The following ESRRG variants were observed in gnomAD, a reference collection of about 807,000 sequenced individuals.
ESRRG encodes the protein estrogen related receptor gamma.
Under a neutral mutation model 44.0 loss-of-function variants are expected in ESRRG, and 13 were observed. The observed-to-expected ratio is 0.30, with a 90% CI of 0.19 to 0.47. ESRRG has a LOEUF of 0.47. ESRRG is among the 20% of genes least tolerant of loss of function. The pLI, the probability that ESRRG is intolerant of heterozygous loss-of-function variation, is 1.00. For synonymous variants in ESRRG, 215 were observed against 214.6 expected (o/e 1.00, Z -0.02); for missense variants, 395 against 580.6 (o/e 0.68, Z 3.29).
intron 2 of ESRRG, among the ~76,000 whole-genome samples, chr1:216,858,553 A>T (rs555569007): frequency 6.6e-6 from 1 of 152,316 alleles, no homozygotes; most frequent in African/African-American, 2.4e-5. Flanking sequence ...AATGCTGGGC[A>T]TGGGCAGACC....
At chr1:216,693,177 G>A (rs2820885) in intron 1 of ESRRG, among the ~76,000 whole-genome samples, 123,025 of 152,204 alleles carry the variant, frequency 0.81, 49,753 homozygotes, top group Admixed American at 0.82. Flanking sequence ...GTCTTTCCTG[G>A]CACTCCTTCC....
intron 3 of ESRRG, among the ~76,000 whole-genome samples, chr1:216,572,052 G>A (rs1340140551): frequency 6.6e-6 from 1 of 152,038 alleles, no homozygotes; most frequent in African/African-American, 2.4e-5. Context: ...TTCAATTCAA[G>A]TAGAAAATAT....
At chr1:216,985,739 A>G (rs1273252360) in intron 1 of ESRRG, 7 of 152,172 alleles carry the variant, frequency 4.6e-5, no homozygotes, top group Admixed American at 1.3e-4. Flanking sequence ...TTAGAGGGTA[A>G]ATGTATTCAA....
chr1:216,905,688 T>G (rs2059607105), intron 2 of ESRRG, among the ~76,000 whole-genome samples: 2 of 152,194 alleles, frequency 1.3e-5, no homozygotes, highest in Admixed American at 1.3e-4. Flanking sequence ...CAAAAACTAT[T>G]TATTAAAGGA....
chr1:216,950,125 G>A (rs899004594), intron 1 of ESRRG, among the ~76,000 whole-genome samples: 1 of 152,160 alleles, frequency 6.6e-6, no homozygotes, highest in African/African-American at 2.4e-5. Flanking sequence ...TACTTCTTTT[G>A]AGTTACTTCA....
At chr1:216,907,932 G>A (rs528341837) in intron 2 of ESRRG, among the ~76,000 whole-genome samples, 180 of 152,180 alleles carry the variant, frequency 1.2e-3, no homozygotes, top group African/African-American at 4.2e-3. Context: ...ACAGGGAGAA[G>A]CCAAAACCTC....
At chr1:216,753,355 G>T (rs1395922288) in intron 2 of ESRRG, among the ~76,000 whole-genome samples, 1 of 151,998 alleles carries the variant, frequency 6.6e-6, no homozygotes, top group Non-Finnish European at 1.5e-5. Context: ...AGAGAGTTTT[G>T]CCTGGTCTGT....
intron 2 of ESRRG, among the ~76,000 whole-genome samples, chr1:216,817,225 G>C (rs79587400): frequency 1.7e-3 from 261 of 152,226 alleles, no homozygotes; most frequent in African/African-American, 5.9e-3. Flanking sequence ...ATTGAGAAAA[G>C]AGCTACCAGA....
intron 1 of ESRRG, among the ~76,000 whole-genome samples, chr1:216,939,952 T>C (rs1474320797): frequency 6.6e-6 from 1 of 152,182 alleles, no homozygotes; most frequent in Non-Finnish European, 1.5e-5. Context: ...TTATTAATCT[T>C]CTGCTCCTCT....
intron 3 of ESRRG, among the ~76,000 whole-genome samples, chr1:216,570,286 C>T (rs2060536408): frequency 1.3e-5 from 2 of 152,132 alleles, no homozygotes. Context: ...GGTTATTAAG[C>T]ATTCACTGAA....
intron 1 of ESRRG, among the ~76,000 whole-genome samples, chr1:217,079,875 C>G (rs982506983): frequency 6.6e-6 from 1 of 152,184 alleles, no homozygotes; most frequent in African/African-American, 2.4e-5. Flanking sequence ...CATATTTCCT[C>G]CTTCCCTCCC....
At chr1:217,090,845 G>A (rs2092332054), upstream of ESRRG, among the ~76,000 whole-genome samples, 1 of 152,178 alleles carries the variant, frequency 6.6e-6, no homozygotes, top group Non-Finnish European at 1.5e-5. Flanking sequence ...TGCTAATTAT[G>A]CACTGTATCT....
chr1:216,753,072 G>T (rs2185237), intron 2 of ESRRG, among the ~76,000 whole-genome samples: 30,228 of 151,656 alleles, frequency 0.2, 3,028 homozygotes, highest in South Asian at 0.28. Context: ...TCTATTAATG[G>T]AAATAATATG....
rs1371626356 is a variant in ESRRG, at chr1:216,753,224, A to G, written c.-13-75733T>C. On this transcript the variant is annotated intron_variant, in intron 2 of 7. Coordinates refer to the ESRRG transcript ENST00000359162. ...GTAGTACCTGTCATTAGAACTTCCT[A>G]CGCATACATAAACATGTTTCTTGTA... is the stretch of plus-strand genomic sequence containing the variant. Among the ~76,000 whole-genome samples the G allele has an allele frequency of 3.5e-5, 5 of 143,228 alleles. No homozygotes were observed. In the East Asian group the frequency reaches 1.0e-3, roughly 29 times the overall value. 94.0% of individuals were successfully genotyped at this position (143,228 alleles called of 152,430 possible). A position where few individuals can be genotyped will look rare whatever the true frequency, so the allele number is the denominator to read the frequency against.
At chr1:216,824,491 T>TC (rs2095357873) in intron 2 of ESRRG, among the ~76,000 whole-genome samples, 3 of 151,910 alleles carry the variant, frequency 2.0e-5, no homozygotes, top group Non-Finnish European at 4.4e-5. Context: ...AATTTTTTTT[T>TC]TTTTTGCCTG....
chr1:216,929,162 T>G (rs1046623250), intron 2 of ESRRG, among the ~76,000 whole-genome samples: 1 of 152,234 alleles, frequency 6.6e-6, no homozygotes, highest in Admixed American at 6.5e-5. Context: ...CAAGTTTGAA[T>G]GTGAATGTTC....
At chr1:216,690,358 T>C (rs1575360337) in intron 1 of ESRRG, among the ~76,000 whole-genome samples, 1 of 152,128 alleles carries the variant, frequency 6.6e-6, no homozygotes, top group East Asian at 1.9e-4. Context: ...CATGGCTAGA[T>C]CTTAAAAACA....
rs2040927523 is a variant in ESRRG, at chr1:216,504,824, T to C, written c.*2115A>G. On this transcript the variant is annotated 3_prime_UTR_variant, in exon 7 of 7. Coordinates refer to ENST00000408911, the MANE Select transcript of ESRRG (RefSeq NM_001438.4). The stretch of plus-strand genomic sequence containing the variant: ...AAAATATTATTATGATTTTGATGTG[T>C]ATCTGTTCATAATGAATACTTGTTT... 1.3e-5 allele frequency: 2 copies of C among 152,642 alleles called. No individual in the cohort carries two copies. Among genetic ancestry groups the C allele is most frequent in the African/African-American group, 4.8e-5 (2 of 41,448 alleles). The allele number at this position is 152,642 out of a possible 1,614,324, so 9.5% of individuals were successfully genotyped here. A position where few individuals can be genotyped will look rare whatever the true frequency, so the allele number is the denominator to read the frequency against.
chr1:216,536,099 G>C (rs893577262), intron 5 of ESRRG, among the ~76,000 whole-genome samples: 1 of 151,864 alleles, frequency 6.6e-6, no homozygotes, highest in Non-Finnish European at 1.5e-5. Context: ...TCTTTCTCCT[G>C]GTCTTTCTTC....
Sources: allele counts gnomAD v4.1 joint callset (sites outside exome capture counted in the v4.1 genomes callset), GRCh38; gene constraint gnomAD v4.1.1; transcripts MANE v1.5; gene names NCBI Gene and HGNC (gene_info 2026-07-23, HGNC 2026-07-21).